Variants in SPOCK3 observed in about 807,000 individuals in gnomAD.
SPOCK3 encodes testican-3.
In SPOCK3, 30 loss-of-function variants were observed where a neutral mutation model predicts 56.6. That is an observed-to-expected ratio of 0.53 (90% CI 0.40 to 0.72). SPOCK3 has a LOEUF of 0.72. SPOCK3 is among the 30% of genes least tolerant of loss of function. The probability of loss-of-function intolerance (pLI) is 0.00; values close to 1 mark genes in which losing one functional copy is unlikely to be tolerated. For missense variants in SPOCK3, 527 were observed against 530.0 expected (o/e 0.99, Z 0.06); for synonymous variants, 196 against 183.3 (o/e 1.07, Z -0.56).
intron 3 of SPOCK3, among the ~76,000 whole-genome samples, chr4:167,062,170 C>T (rs180796506): frequency 8.6e-5 from 13 of 151,874 alleles, no homozygotes; most frequent in Admixed American, 7.2e-4. Flanking sequence ...AAATCTATTG[C>T]CCAGTGAATG....
At chr4:167,228,500 C>T (rs1486717266) in intron 2 of SPOCK3, among the ~76,000 whole-genome samples, 1 of 152,120 alleles carries the variant, frequency 6.6e-6, no homozygotes, top group African/African-American at 2.4e-5. Context: ...TAATGTGATA[C>T]CAGCTCTAGC....
chr4:166,988,878 T>C (rs576707722), intron 4 of SPOCK3, among the ~76,000 whole-genome samples: 14 of 152,278 alleles, frequency 9.2e-5, no homozygotes, highest in African/African-American at 3.4e-4. Context: ...TTGTTATTTC[T>C]ATGATTCTCA....
rs149344416 is a variant in SPOCK3 at position 167,082,367 on chromosome 4, T to C, written c.190-19830A>G. Among the ~76,000 whole-genome samples the C allele has an allele frequency of 2.0e-5, 3 of 152,198 alleles. No individual in the cohort carries two copies. In the East Asian group the frequency reaches 5.8e-4, roughly 30 times the overall value. Reference sequence around the variant, plus strand: ...TTGCCCAATATGACCAGAAGATCAGTTGGTTTTGCCTTTACATGGGAGTTT... The same window carrying C: ...TTGCCCAATATGACCAGAAGATCAGCTGGTTTTGCCTTTACATGGGAGTTT... On this transcript the variant is annotated intron_variant, in intron 2 of 10. Transcript: ENST00000357545.
At chr4:166,882,920 C>A (rs1235791620) in intron 6 of SPOCK3, 2 of 152,042 alleles carry the variant, frequency 1.3e-5, no homozygotes, top group African/African-American at 4.8e-5. Flanking sequence ...TGCCAATAAA[C>A]TGACTTAATT....
intron 4 of SPOCK3, among the ~76,000 whole-genome samples, chr4:166,955,903 G>A (rs889964841): frequency 4.0e-5 from 6 of 151,480 alleles, no homozygotes. Context: ...GTTCATTTTT[G>A]AATCTCACAT....
At position 166,785,104 on chromosome 4, in the gene SPOCK3, T is replaced by C. The variant is rs1740593083; in HGVS notation, c.709+7066A>G. On this transcript the variant is annotated intron_variant, in intron 7 of 10. Coordinates refer to ENST00000357545, the MANE Select transcript of SPOCK3 (RefSeq NM_001040159.2). ...TTGAATAAAACATCACCAAGCATTT[T>C]CATGCTAATGATAATAGGATGAGAG... is the stretch of plus-strand genomic sequence containing the variant. Among the ~76,000 whole-genome samples the C allele has an allele frequency of 3.9e-5, 6 of 152,254 alleles. No individual in the cohort carries two copies. The South Asian group carries it at 1.2e-3, about 32-fold the overall frequency.
intron 3 of SPOCK3, among the ~76,000 whole-genome samples, chr4:167,044,296 T>C (rs1164982685): frequency 6.6e-6 from 1 of 152,034 alleles, no homozygotes; most frequent in Non-Finnish European, 1.5e-5. Flanking sequence ...TTTTGTCTCT[T>C]TCACTTCTGA....
intron 2 of SPOCK3, among the ~76,000 whole-genome samples, chr4:167,186,708 G>A (rs1731999640): frequency 6.6e-6 from 1 of 151,914 alleles, no homozygotes; most frequent in Non-Finnish European, 1.5e-5. Flanking sequence ...AAGGTGCAGT[G>A]GCTCATGCCT....
chr4:167,161,896 G>C (rs1197075071), intron 2 of SPOCK3, among the ~76,000 whole-genome samples: 5 of 136,730 alleles, frequency 3.7e-5, no homozygotes, highest in Non-Finnish European at 7.9e-5. Context: ...GTTGTGGGGT[G>C]GGGGGAGGGG....
At chr4:166,770,251 C>T (rs1431691051) in intron 7 of SPOCK3, among the ~76,000 whole-genome samples, 1 of 152,092 alleles carries the variant, frequency 6.6e-6, no homozygotes, top group East Asian at 1.9e-4. Flanking sequence ...GTTGGAAATG[C>T]AGAAATCACC....
intron 4 of SPOCK3, among the ~76,000 whole-genome samples, chr4:166,955,458 TATAA>T (rs1275107413): frequency 2.0e-5 from 3 of 146,788 alleles, no homozygotes; most frequent in African/African-American, 4.9e-5. Flanking sequence ...CAAATTATAA[TATAA>T]ATATTATATT....
At chr4:167,043,816 T>C (rs539318817) in intron 3 of SPOCK3, among the ~76,000 whole-genome samples, 18 of 152,162 alleles carry the variant, frequency 1.2e-4, no homozygotes, top group African/African-American at 4.1e-4. Flanking sequence ...AATCTTATAA[T>C]ACATTTTTGG....
chr4:166,855,960 T>A (rs985485675), intron 6 of SPOCK3, among the ~76,000 whole-genome samples: 3 of 152,186 alleles, frequency 2.0e-5, no homozygotes, highest in African/African-American at 7.2e-5. Flanking sequence ...AGTGGAAGAC[T>A]ATTGAAAAGG....
chr4:167,054,947 T>A (rs1754626039), intron 3 of SPOCK3, among the ~76,000 whole-genome samples: 1 of 152,156 alleles, frequency 6.6e-6, no homozygotes. Context: ...GCTGAGAATT[T>A]ACACCATTCA....
At chr4:167,024,429 C>T (rs953334019) in intron 3 of SPOCK3, among the ~76,000 whole-genome samples, 11 of 151,938 alleles carry the variant, frequency 7.2e-5, no homozygotes, top group Middle Eastern at 3.2e-3. Context: ...ATTTCTTACA[C>T]GTTAACTGGT....
chr4:166,935,923 T>C (rs1379187592), intron 4 of SPOCK3, among the ~76,000 whole-genome samples: 1 of 152,188 alleles, frequency 6.6e-6, no homozygotes, highest in African/African-American at 2.4e-5. Context: ...ATGATCATGA[T>C]GAATTACTAA....
chr4:167,157,197 T>C (rs556134883), intron 2 of SPOCK3, among the ~76,000 whole-genome samples: 7 of 152,212 alleles, frequency 4.6e-5, no homozygotes, highest in Non-Finnish European at 8.8e-5. Context: ...TTCAAAATTA[T>C]AAAGCTTAGT....
At chr4:166,941,542 T>C (rs1741072878) in intron 4 of SPOCK3, among the ~76,000 whole-genome samples, 1 of 152,216 alleles carries the variant, frequency 6.6e-6, no homozygotes, top group Admixed American at 6.5e-5. Context: ...CTGTGGGTAG[T>C]TGGCCTCTAA....
chr4:167,199,422 T>C (rs961003116), intron 2 of SPOCK3, among the ~76,000 whole-genome samples: 1 of 152,002 alleles, frequency 6.6e-6, no homozygotes, highest in Admixed American at 6.6e-5. Context: ...ATCCCTGGGT[T>C]ACCCATATTC....
Sources: allele counts gnomAD v4.1 joint callset (sites outside exome capture counted in the v4.1 genomes callset), GRCh38; gene constraint gnomAD v4.1.1; transcripts MANE v1.5; gene names NCBI Gene and HGNC (gene_info 2026-07-23, HGNC 2026-07-21).